Variants in FAM186A observed in about 807,000 individuals in gnomAD.
FAM186A encodes the protein family with sequence similarity 186 member A, also known as protein FAM186A.
Under a neutral mutation model 216.8 loss-of-function variants are expected in FAM186A, and 163 were observed. That is an observed-to-expected ratio of 0.75 (90% CI 0.66 to 0.86). FAM186A has a LOEUF of 0.86. Ranked by LOEUF, FAM186A falls within the 40% of genes least tolerant of loss-of-function variation. The pLI is 0.00. For synonymous variants in FAM186A, 805 were observed against 1,025.3 expected, an observed-to-expected ratio of 0.79 and a Z score of 4.10; for missense variants, 2,184 against 2,746.2, an observed-to-expected ratio of 0.80 and a Z score of 4.58.
chr12:50,351,741 A>T lies in FAM186A; in HGVS notation c.5091T>A (p.His1697Gln), dbSNP rs1334173812. Residue 1697 changes from histidine (H) to glutamine (Q), a missense_variant, in exon 4 of 8, where the codon CAT (histidine) becomes CAA (glutamine). Physicochemically the swap from His to Gln is conservative, Grantham distance 24 (BLOSUM62 0). Transcript: ENST00000327337. ...LGVPLTLDKAHTLGSPLTLKQ... is the reference protein window; with the variant it reads ...LGVPLTLDKAQTLGSPLTLKQ... ...TAAGGGTGAGGGGCGATCCCAAGGT[A>T]TGGGCTTTATCTAAGGTGAGAGGAA... 3.9e-6 allele frequency: 6 copies of T among 1,551,452 alleles called. No homozygotes were observed. The South Asian group carries it at 4.8e-5, about 12-fold the overall frequency.
intron 1 of FAM186A, among the ~76,000 whole-genome samples, chr12:50,385,695 G>A (rs1453355963): frequency 1.3e-5 from 2 of 151,964 alleles, no homozygotes; most frequent in African/African-American, 4.8e-5. Context: ...GGTCTCAGGA[G>A]ATCTAGACCA....
At position 50,354,791 on chromosome 12, in the gene FAM186A, T is replaced by G. The variant is rs1323805243; in HGVS notation, c.2041A>C (p.Lys681Gln). The stretch of plus-strand genomic sequence containing the variant: ...TTTCCTATGTTATCAATTTTCTGTT[T>G]TAGGAAAGCCATTATGGCTTCCTGA... ...EFQEAIMAFL[K>Q]QKIDNIGKAF... The change falls in exon 4 of 8, where the codon AAA becomes CAA. Residue 681 changes from lysine to glutamine, a missense_variant. Physicochemically the swap from Lys to Gln is moderately conservative, Grantham distance 53. Coordinates refer to ENST00000327337, the MANE Select transcript of FAM186A (RefSeq NM_001145475.3). The G allele has an allele frequency of 2.6e-6, 4 of 1,535,242 alleles. No homozygotes were observed. Among genetic ancestry groups the G allele is most frequent in the Non-Finnish European group, 3.5e-6 (4 of 1,143,238 alleles).
chr12:50,360,678 G>GAA (rs61529910), intron 3 of FAM186A, 78 bp downstream of exon 3: 58,481 of 1,051,906 alleles, frequency 0.056, 17 homozygotes, highest in East Asian at 0.07. Context: ...GAGCGAGACT[G>GAA]AAAAAAAAAA....
At chr12:50,384,054 G>C in intron 1 of FAM186A, among the ~76,000 whole-genome samples, 1 of 152,022 alleles carries the variant, frequency 6.6e-6, no homozygotes, top group East Asian at 1.9e-4. Context: ...GGATGTGGAG[G>C]TTGCAGTGAG....
intron 1 of FAM186A, chr12:50,392,344 C>T (rs1037182031): frequency 6.5e-6 from 1 of 153,498 alleles, no homozygotes. Flanking sequence ...CTGGCGCGAT[C>T]TTGGCTCACT....
chr12:50,390,195 A>C (rs1269544414), intron 1 of FAM186A, among the ~76,000 whole-genome samples: 2 of 152,178 alleles, frequency 1.3e-5, no homozygotes, highest in Non-Finnish European at 2.9e-5. Flanking sequence ...TCCTGGGATT[A>C]ATGTCAGCTC....
chr12:50,363,145 T>G lies in FAM186A; in HGVS notation c.412A>C (p.Asn138His), dbSNP rs1165511158. 17 of 1,542,208 alleles carry G rather than the reference T, an allele frequency of 1.1e-5. No homozygotes were observed. The highest frequency in any genetic ancestry group is 1.5e-5 in the Non-Finnish European group (17 of 1,142,462). Residue 138 changes from asparagine to histidine, a missense_variant and splice_region_variant, in exon 2 of 8, where the codon AAT (asparagine) becomes CAT (histidine). By Grantham distance (68) the Asn-to-His change is moderately conservative. Transcript: ENST00000327337. Reference protein sequence around the residue: ...ANILAWLEEWNDVLSEMTLMD... With the variant: ...ANILAWLEEWHDVLSEMTLMD... ...CTCTGAACCGCTTCTGTAAACTTAC[T>G]CCATTCTTCCAACCAGGCCAGAATG... is the stretch of plus-strand genomic sequence containing the variant.
At chr12:50,382,311 A>G (rs1208089914) in intron 1 of FAM186A, among the ~76,000 whole-genome samples, 2 of 151,556 alleles carry the variant, frequency 1.3e-5, no homozygotes, top group African/African-American at 4.9e-5. Flanking sequence ...TAGGCTGGTC[A>G]ACTTAAGCAT....
rs1942876284 is a variant in FAM186A, at chr12:50,351,300, G to A, written c.5532C>T (p.Pro1844=). The A allele has an allele frequency of 6.5e-7, 1 of 1,533,482 alleles. No individual in the cohort carries two copies. The highest frequency in any genetic ancestry group is 8.8e-7 in the Non-Finnish European group (1 of 1,139,798). The allele number at this position is 1,533,482 out of a possible 1,614,324, so 95.0% of individuals were successfully genotyped here. A position where few individuals can be genotyped will look rare whatever the true frequency, so the allele number is the denominator to read the frequency against. ...PGQPFIAGVP[P]TSGQIPSLWA... ...AGAGACTTGGAATCTGTCCAGAAGT[G>A]GGTGGAACTCCAGCTATAAAGGGCT... The change falls in exon 4 of 8, where the codon CCC becomes CCT. Residue 1844 remains proline, a synonymous_variant. Coordinates refer to ENST00000327337, the MANE Select transcript of FAM186A (RefSeq NM_001145475.3).
intron 4 of FAM186A, among the ~76,000 whole-genome samples, 157 bp from the exon 5 acceptor site, chr12:50,334,260 C>T (rs1016029119): frequency 6.6e-6 from 1 of 151,712 alleles, no homozygotes; most frequent in Admixed American, 6.6e-5. Context: ...CAACCTCCAC[C>T]TCCTGGATTC....
chr12:50,355,970 T>G lies in FAM186A; in HGVS notation c.862A>C (p.Thr288Pro). The change falls in exon 4 of 8, where the codon ACT becomes CCT. Residue 288 changes from threonine (T) to proline (P), a missense_variant. Physicochemically the swap from Thr to Pro is conservative, Grantham distance 38. Transcript: ENST00000327337. The stretch of plus-strand genomic sequence containing the variant: ...TCACTTGTCTCATGTGCATACACAG[T>G]GGAACTTTGGAAGTTAACACATTTT... ...ELKCVNFQSS[T>P]VYAHETSEAE... 1 of 1,551,630 alleles carries G rather than the reference T, an allele frequency of 6.4e-7. No homozygotes were observed. The highest frequency in any genetic ancestry group is 8.7e-7 in the Non-Finnish European group (1 of 1,146,992).
rs745343974 is a variant in FAM186A, at chr12:50,396,324, A to G, written c.161T>C (p.Ile54Thr). 19 of 1,551,292 alleles carry G rather than the reference A, an allele frequency of 1.2e-5. No homozygotes were observed. In the Admixed American group the frequency reaches 1.8e-4, roughly 14 times the overall value. ...GGCTCGATGGAGCTGTGCGCGCTCA[A>G]TCCTAGAGATGATATCCTTTACTGA... Reference protein sequence around the residue: ...PFSVKDIISRIERAQLHRARE... With the variant: ...PFSVKDIISRTERAQLHRARE... The change falls in exon 1 of 8, where the codon ATT (isoleucine) becomes ACT (threonine). Residue 54 changes from isoleucine to threonine, a missense_variant. Transcript: ENST00000327337.
chr12:50,374,361 A>G (rs1943177924), intron 1 of FAM186A, among the ~76,000 whole-genome samples: 1 of 152,260 alleles, frequency 6.6e-6, no homozygotes, highest in African/African-American at 2.4e-5. Flanking sequence ...AATTAAAAAA[A>G]AAAGATTTTC....
At chr12:50,364,087 A>G (rs1044748328) in intron 1 of FAM186A, among the ~76,000 whole-genome samples, 8 of 152,184 alleles carry the variant, frequency 5.3e-5, no homozygotes, top group Admixed American at 1.3e-4. Context: ...GACTACTGGC[A>G]TTTAGTAGAG....
chr12:50,390,495 G>T lies in FAM186A; in HGVS notation c.192+5798C>A, dbSNP rs965350133. 3.9e-5 allele frequency among the ~76,000 whole-genome samples: 6 copies of T among 152,270 alleles called. No homozygotes were observed. In the East Asian group the frequency reaches 5.8e-4, roughly 15 times the overall value. ...TTCAGATTAAGTAAGAATTTAGTAG[G>T]CTTCCTATCTATTCATTTCTGGGAA... On this transcript the variant is annotated intron_variant, in intron 1 of 7. Coordinates refer to ENST00000327337, the MANE Select transcript of FAM186A (RefSeq NM_001145475.3).
intron 4 of FAM186A, among the ~76,000 whole-genome samples, chr12:50,342,633 T>A (rs1199223864): frequency 6.6e-6 from 1 of 151,258 alleles, no homozygotes; most frequent in African/African-American, 2.4e-5. Context: ...TGCTACCACA[T>A]CTGTCTAGTT....
chr12:50,332,287 A>G (rs1028426850), intron 5 of FAM186A, among the ~76,000 whole-genome samples: 3 of 152,242 alleles, frequency 2.0e-5, no homozygotes, highest in African/African-American at 7.2e-5. Context: ...TATTTATAAC[A>G]ACCTTATGCG....
intron 2 of FAM186A, among the ~76,000 whole-genome samples, chr12:50,361,302 G>A (rs928844193): frequency 6.6e-6 from 1 of 152,132 alleles, no homozygotes; most frequent in Non-Finnish European, 1.5e-5. Flanking sequence ...AGGTTCAAGC[G>A]ATTCTCCTGC....
chr12:50,342,664 G>A (rs1341705778), intron 4 of FAM186A, among the ~76,000 whole-genome samples: 1 of 151,612 alleles, frequency 6.6e-6, no homozygotes, highest in Non-Finnish European at 1.5e-5. Flanking sequence ...TTTTAGTAGA[G>A]ACAGGGTTTC....
Sources: gnomAD v4.1 joint callset for allele counts (sites outside exome capture counted in the v4.1 genomes callset) on GRCh38, gnomAD v4.1.1 for gene constraint, MANE v1.5 for transcripts, NCBI Gene and HGNC (gene_info 2026-07-23, HGNC 2026-07-21) for gene names.